Variants in ETFB observed in about 807,000 individuals in gnomAD.
ETFB encodes electron transfer flavoprotein subunit beta.
In ETFB, 20 loss-of-function variants were observed where a neutral mutation model predicts 25.6. That is an observed-to-expected ratio of 0.78 (90% CI 0.55 to 1.14). The LOEUF is 1.14. Among genes scored for constraint, ETFB ranks in the 50% most tolerant of loss-of-function variants. ETFB has a pLI of 0.00. For synonymous variants in ETFB, 142 were observed against 146.7 expected (o/e 0.97, Z 0.23); for missense variants, 286 against 342.6 (o/e 0.83, Z 1.30).
chr19:51,362,925 A>G (rs756987101), intron 1 of ETFB, among the ~76,000 whole-genome samples: 30 of 152,176 alleles, frequency 2.0e-4, no homozygotes, highest in Non-Finnish European at 3.7e-4. Context: ...AAGTGTCCAC[A>G]CCAGCTTCCC....
In ETFB at chr19:51,350,279, T is replaced by G. The variant is rs768338355; in HGVS notation, c.438+50A>C. On this transcript the variant is annotated intron_variant, in intron 4 of 5. Coordinates refer to ENST00000309244, the MANE Select transcript of ETFB (RefSeq NM_001985.3). Reference sequence around the variant, plus strand: ...AAGGCCTTGAGGCAGAAATGAAGTTTGAGGGATGAGGGCCTGGCCCTCAGC... The same window carrying G: ...AAGGCCTTGAGGCAGAAATGAAGTTGGAGGGATGAGGGCCTGGCCCTCAGC... 4 of 1,582,658 alleles carry G rather than the reference T, an allele frequency of 2.5e-6. No homozygotes were observed. The Admixed American group carries it at 7.2e-5, about 29-fold the overall frequency.
At position 51,353,273 on chromosome 19, in the gene ETFB, G is replaced by A. The variant is rs1163260557; in HGVS notation, c.234C>T (p.Ala78=). 1 of 1,613,946 alleles carries A rather than the reference G, an allele frequency of 6.2e-7. No homozygotes were observed. The highest frequency in any genetic ancestry group is 2.2e-5 in the East Asian group (1 of 44,892). Residue 78 remains alanine (A), a synonymous_variant, in exon 3 of 6, where the codon GCC becomes GCT. Transcript: ENST00000309244. ...TACCTCGGTCTGCACCCATGGCCAG[G>A]GCGGTACGAATCGTCTCCTGCCAAG... ...PAQCQETIRT[A]LAMGADRGIH... is the part of the protein sequence containing the mutation.
At position 51,366,323 on chromosome 19, in the gene ETFB, C is replaced by A; in HGVS notation, c.4G>T (p.Ala2Ser). ...ACAGCTACGAGCACGCGCAGCTCCGCCATCTTCCCGCCGCAGCCACTTACA... is the reference window on the plus strand; with the variant it reads ...ACAGCTACGAGCACGCGCAGCTCCGACATCTTCCCGCCGCAGCCACTTACA... Reference protein sequence around the residue: MAELRVLVAVKR... With the variant: MSELRVLVAVKR... The change falls in exon 1 of 6, where the codon GCG (alanine) becomes TCG (serine). Residue 2 changes from alanine to serine, a missense_variant. Physicochemically the swap from Ala to Ser is moderately conservative, Grantham distance 99. Coordinates refer to ENST00000309244, the MANE Select transcript of ETFB (RefSeq NM_001985.3). 6.2e-7 allele frequency: 1 copy of A among 1,611,348 alleles called. No individual in the cohort carries two copies.
intron 1 of ETFB, among the ~76,000 whole-genome samples, chr19:51,358,389 G>A (rs751195729): frequency 1.6e-4 from 24 of 152,152 alleles, no homozygotes; most frequent in Non-Finnish European, 2.1e-4. Flanking sequence ...GACTGAGACC[G>A]GGCGCAGTGG....
intron 1 of ETFB, among the ~76,000 whole-genome samples, chr19:51,362,166 C>T (rs12461415): frequency 0.16 from 1,842 of 11,260 alleles, 20 homozygotes; most frequent in South Asian, 0.47. Context: ...CACACATACA[C>T]ACACACACAC....
chr19:51,364,964 G>A (rs10853831), intron 1 of ETFB, among the ~76,000 whole-genome samples: 71,155 of 151,958 alleles, frequency 0.47, 17,092 homozygotes, highest in Non-Finnish European at 0.52. Flanking sequence ...CGAGGCAGGC[G>A]GGTGGATCAC....
In ETFB at chr19:51,347,602, T is replaced by C. The variant is rs145377497; in HGVS notation, c.439-544A>G. 3.7e-4 allele frequency: 58 copies of C among 156,196 alleles called. No individual in the cohort carries two copies. The East Asian group carries it at 0.011, about 28-fold the overall frequency. The allele number at this position is 156,196 out of a possible 1,614,324, so 9.7% of individuals were successfully genotyped here. A position where few individuals can be genotyped will look rare whatever the true frequency, so the allele number is the denominator to read the frequency against. Reference sequence around the variant, plus strand: ...AACCACCTTCTGGGACCCCGTCCTCTAGCCAGGTCCCTTTGCCTCTCAGTC... The same window carrying C: ...AACCACCTTCTGGGACCCCGTCCTCCAGCCAGGTCCCTTTGCCTCTCAGTC... On this transcript the variant is annotated intron_variant, in intron 4 of 5. Coordinates refer to ENST00000309244, the MANE Select transcript of ETFB (RefSeq NM_001985.3).
At chr19:51,355,848 AACC>A (rs2123594752) in intron 1 of ETFB, 1 of 150,594 alleles carries the variant, frequency 6.6e-6, no homozygotes, top group East Asian at 2.0e-4. Flanking sequence ...AAGGACAGAA[AACC>A]AAACAACGCA....
At chr19:51,362,868 C>A (rs924694835) in intron 1 of ETFB, among the ~76,000 whole-genome samples, 1 of 152,070 alleles carries the variant, frequency 6.6e-6, no homozygotes, top group Non-Finnish European at 1.5e-5. Flanking sequence ...CCAGAAGGGG[C>A]GACAGACACC....
Position 51,354,365 on chromosome 19 carries a change from G to A in ETFB, c.58-57C>T, listed in dbSNP as rs766066977. On this transcript the variant is annotated intron_variant, in intron 1 of 5. Transcript: ENST00000309244. Reference sequence around the variant, plus strand: ...GGAGGAAACAGGCAAGAAGGTGGGGGCCTCAGCGCCAACCCTCTCCCAGGC... The same window carrying A: ...GGAGGAAACAGGCAAGAAGGTGGGGACCTCAGCGCCAACCCTCTCCCAGGC... 1.9e-6 allele frequency: 3 copies of A among 1,614,020 alleles called. No individual in the cohort carries two copies. Among genetic ancestry groups the A allele is most frequent in the Admixed American group, 1.7e-5 (1 of 60,008 alleles).
chr19:51,354,128 C>T (rs569685850), intron 2 of ETFB, 22 bp downstream of exon 2: 1 of 1,611,992 alleles, frequency 6.2e-7, no homozygotes, highest in Non-Finnish European at 8.5e-7. Context: ...GAGTCCAGCC[C>T]CCTCCCCAAG....
intron 1 of ETFB, among the ~76,000 whole-genome samples, chr19:51,359,101 G>A (rs1005518544): frequency 6.6e-6 from 1 of 152,074 alleles, no homozygotes; most frequent in African/African-American, 2.4e-5. Flanking sequence ...GCCCAGGCTG[G>A]AGTGCAGAGG....
At chr19:51,356,576 C>T (rs891623906) in intron 1 of ETFB, 2 of 152,186 alleles carry the variant, frequency 1.3e-5, no homozygotes, top group African/African-American at 4.8e-5. Context: ...TTTGTCTCTC[C>T]TGGGCCCCAC....
Position 51,366,384 on chromosome 19 carries a change from G to GGGCCCCCCCCCCCCCCCCC in ETFB, c.-59_-58insGGGGGGGGGGGGGGGGGCC. 6.6e-7 allele frequency: 1 copy of GGGCCCCCCCCCCCCCCCCC among 1,525,618 alleles called. No individual in the cohort carries two copies. The highest frequency in any genetic ancestry group is 8.9e-7 in the Non-Finnish European group (1 of 1,120,116). 94.5% of individuals were successfully genotyped at this position (1,525,618 alleles called of 1,614,324 possible). A position where few individuals can be genotyped will look rare whatever the true frequency, so the allele number is the denominator to read the frequency against. On this transcript the variant is annotated 5_prime_UTR_variant, in exon 1 of 6. Transcript: ENST00000309244. ...GCACCCTCAGCGGCTCAGTCCAGAA[G>GGGCCCCCCCCCCCCCCCCC]CCCCACCACCCCCGCCCCCCGCGCC...
At chr19:51,355,939 T>C (rs1309348472) in intron 1 of ETFB, 2 of 83,860 alleles carry the variant, frequency 2.4e-5, no homozygotes, top group African/African-American at 9.6e-5. Context: ...CCGGGGACTG[T>C]CGTGGGGTGG....
chr19:51,366,351 G>T lies in ETFB; in HGVS notation c.-25C>A. ...TCTTCCCGCCGCAGCCACTTACAGGGTCAGCCCGCACCCTCAGCGGCTCAG... is the reference window on the plus strand; with the variant it reads ...TCTTCCCGCCGCAGCCACTTACAGGTTCAGCCCGCACCCTCAGCGGCTCAG... On this transcript the variant is annotated 5_prime_UTR_variant, in exon 1 of 6. Transcript: ENST00000309244. The T allele has an allele frequency of 6.2e-7, 1 of 1,610,908 alleles. No homozygotes were observed. The highest frequency in any genetic ancestry group is 2.1e-4 in the Middle Eastern group (1 of 4,696).
chr19:51,347,438 C>A, intron 4 of ETFB: 1 of 216,184 alleles, frequency 4.6e-6, no homozygotes, highest in Non-Finnish European at 9.5e-6. Flanking sequence ...GAAACTGAGG[C>A]AGCAAGATGC....
chr19:51,360,323 A>G (rs1986189462), intron 1 of ETFB, among the ~76,000 whole-genome samples: 1 of 149,832 alleles, frequency 6.7e-6, no homozygotes, highest in Non-Finnish European at 1.5e-5. Context: ...AATCACTTGA[A>G]CCCGGGAGGT....
intron 1 of ETFB, among the ~76,000 whole-genome samples, chr19:51,360,889 G>A (rs780284509): frequency 1.3e-5 from 2 of 152,068 alleles, no homozygotes; most frequent in Admixed American, 6.6e-5. Flanking sequence ...GGGTTCAAGC[G>A]ATTCTCCTGC....
Sources: gnomAD v4.1 joint callset for allele counts (sites outside exome capture counted in the v4.1 genomes callset) on GRCh38, gnomAD v4.1.1 for gene constraint, MANE v1.5 for transcripts, NCBI Gene and HGNC (gene_info 2026-07-23, HGNC 2026-07-21) for gene names.